PACRG: variants seen among roughly 807,000 people sequenced by gnomAD.
The protein encoded by PACRG is parkin coregulated.
In PACRG, 29 loss-of-function variants were observed where a neutral mutation model predicts 29.7. That is an observed-to-expected ratio of 0.98 (90% CI 0.73 to 1.33). The LOEUF (loss-of-function observed/expected upper bound fraction) is 1.33, where lower values mean the gene tolerates loss of function less well. Among genes scored for constraint, PACRG ranks in the 40% most tolerant of loss-of-function variants. The pLI is 0.00. For missense variants in PACRG, 279 were observed against 316.2 expected (o/e 0.88, Z 0.89); for synonymous variants, 116 against 118.7 (o/e 0.98, Z 0.15).
intron 2 of PACRG, among the ~76,000 whole-genome samples, chr6:162,993,021 G>A (rs1453403753): frequency 2.0e-5 from 3 of 146,928 alleles, no homozygotes; most frequent in Non-Finnish European, 4.5e-5. Flanking sequence ...TCAGGAGCAG[G>A]TTGTTCAGTT....
rs569960924 is a variant in PACRG at position 162,798,102 on chromosome 6, A to G, written c.157-16045A>G. ...ATATTGTGCTAGGTCCCACTTTAATACTTACTGCTGAATTGAATTGATTTT... is the reference window on the plus strand; with the variant it reads ...ATATTGTGCTAGGTCCCACTTTAATGCTTACTGCTGAATTGAATTGATTTT... On this transcript the variant is annotated intron_variant, in intron 1 of 4. Coordinates refer to ENST00000366888, the MANE Select transcript of PACRG (RefSeq NM_001080379.2). Among the ~76,000 whole-genome samples, 7 of 152,280 alleles carry G rather than the reference A, an allele frequency of 4.6e-5. No homozygotes were observed. In the South Asian group the frequency reaches 1.4e-3, roughly 32 times the overall value.
intron 2 of PACRG, among the ~76,000 whole-genome samples, chr6:162,957,879 C>T (rs1800184961): frequency 6.6e-6 from 1 of 152,122 alleles, no homozygotes. Context: ...CAGCCATTTG[C>T]TGGAGAGACA....
chr6:163,190,370 T>C (rs1484615103), intron 4 of PACRG: 1 of 152,158 alleles, frequency 6.6e-6, no homozygotes, highest in African/African-American at 2.4e-5. Context: ...TTGAGCAACG[T>C]TGGAATATGA....
intron 4 of PACRG, among the ~76,000 whole-genome samples, chr6:163,239,960 A>T (rs1283380359): frequency 7.7e-6 from 1 of 129,118 alleles, no homozygotes. Context: ...CCACACACTC[A>T]CACTCCCATC....
chr6:163,136,895 A>G (rs574920470), intron 4 of PACRG, among the ~76,000 whole-genome samples: 1 of 152,374 alleles, frequency 6.6e-6, no homozygotes, highest in Admixed American at 6.5e-5. Flanking sequence ...GTAAATGCAT[A>G]CTAAATGCGT....
chr6:163,103,590 T>G (rs1182615336), intron 4 of PACRG, among the ~76,000 whole-genome samples: 1 of 152,240 alleles, frequency 6.6e-6, no homozygotes, highest in Non-Finnish European at 1.5e-5. Context: ...TTAGTAACCT[T>G]AATTCTGTTT....
intron 2 of PACRG, among the ~76,000 whole-genome samples, chr6:162,907,263 GT>G (rs1795997806): frequency 6.6e-6 from 1 of 152,050 alleles, no homozygotes; most frequent in Non-Finnish European, 1.5e-5. Context: ...CTGTTCTATA[GT>G]TTAAAAATGG....
At chr6:162,816,832 A>C (rs1261284604) in intron 2 of PACRG, among the ~76,000 whole-genome samples, 1 of 152,172 alleles carries the variant, frequency 6.6e-6, no homozygotes, top group Non-Finnish European at 1.5e-5. Context: ...TCCGTCCCCC[A>C]CAAAAAACTA....
At chr6:162,982,042 A>AT (rs1333821094) in intron 2 of PACRG, among the ~76,000 whole-genome samples, 1 of 151,602 alleles carries the variant, frequency 6.6e-6, no homozygotes, top group Non-Finnish European at 1.5e-5. Flanking sequence ...ATTTCCAGGA[A>AT]TTTATCTATC....
chr6:162,988,853 A>C (rs765062480), intron 2 of PACRG, among the ~76,000 whole-genome samples: 11 of 152,200 alleles, frequency 7.2e-5, no homozygotes, highest in South Asian at 4.1e-4. Flanking sequence ...AAGAAAAAGC[A>C]AAACTGAAAA....
intron 2 of PACRG, among the ~76,000 whole-genome samples, chr6:162,968,526 C>T (rs1584899605): frequency 6.6e-6 from 1 of 152,246 alleles, no homozygotes; most frequent in East Asian, 1.9e-4. Flanking sequence ...TACTGTCAAA[C>T]CAAACTTAAA....
chr6:163,254,209 T>G (rs1334551955), intron 4 of PACRG, among the ~76,000 whole-genome samples: 1 of 152,224 alleles, frequency 6.6e-6, no homozygotes, highest in Non-Finnish European at 1.5e-5. Context: ...AACTGACATC[T>G]GATTTTTTAA....
intron 2 of PACRG, among the ~76,000 whole-genome samples, chr6:162,967,205 A>G (rs903382798): frequency 4.0e-5 from 6 of 151,848 alleles, no homozygotes; most frequent in African/African-American, 1.5e-4. Context: ...GAAGAAGCAG[A>G]TATTTTCCTA....
intron 4 of PACRG, chr6:163,165,709 C>T (rs1293849669): frequency 4.5e-6 from 1 of 222,890 alleles, no homozygotes; most frequent in Non-Finnish European, 9.1e-6. Flanking sequence ...GCCTTCAAGT[C>T]GGTTCACCCT....
intron 1 of PACRG, among the ~76,000 whole-genome samples, chr6:162,795,693 T>C (rs916810208): frequency 6.6e-6 from 1 of 152,230 alleles, no homozygotes; most frequent in East Asian, 1.9e-4. Context: ...ATTAACCATT[T>C]TGTGATGTGT....
intron 1 of PACRG, 50 bp downstream of exon 1, chr6:162,728,441 G>A: frequency 1.3e-6 from 2 of 1,586,800 alleles, no homozygotes; most frequent in South Asian, 1.1e-5. Context: ...CAGGGGACAC[G>A]AGATTTACAG....
intron 2 of PACRG, among the ~76,000 whole-genome samples, chr6:163,043,705 G>T (rs1368896789): frequency 1.3e-5 from 2 of 152,184 alleles, no homozygotes; most frequent in Non-Finnish European, 2.9e-5. Flanking sequence ...TCCAGAACTG[G>T]CTGATGAACT....
intron 2 of PACRG, among the ~76,000 whole-genome samples, chr6:163,057,469 G>T (rs1426932971): frequency 6.6e-6 from 1 of 152,242 alleles, no homozygotes; most frequent in African/African-American, 2.4e-5. Flanking sequence ...AGGCTAGAGT[G>T]CAGTTGCGCA....
At chr6:163,185,881 A>G (rs2747696) in intron 4 of PACRG, among the ~76,000 whole-genome samples, 67,283 of 151,942 alleles carry the variant, frequency 0.44, 16,100 homozygotes, top group Middle Eastern at 0.56. Flanking sequence ...TGAGCTCCAG[A>G]GCTGCTTCCC....
Sources: gnomAD v4.1 joint callset for allele counts (sites outside exome capture counted in the v4.1 genomes callset) on GRCh38, gnomAD v4.1.1 for gene constraint, MANE v1.5 for transcripts, NCBI Gene and HGNC (gene_info 2026-07-23, HGNC 2026-07-21) for gene names.